The following CDR2 variants were observed in gnomAD, a reference collection of about 807,000 sequenced individuals.
CDR2 encodes cerebellar degeneration-related protein 2.
A neutral mutation model predicts 48.4 loss-of-function variants in CDR2; 34 were observed. The ratio of observed to expected loss-of-function variants is 0.70; its 90% CI spans 0.53 to 0.94. CDR2 has a LOEUF of 0.94. CDR2 is among the 40% of genes least tolerant of loss of function. The pLI, the probability that CDR2 is intolerant of heterozygous loss-of-function variation, is 0.00. For missense variants in CDR2, 498 were observed against 549.5 expected (o/e 0.91, Z 0.94); for synonymous variants, 240 against 219.7 (o/e 1.09, Z -0.82).
At chr16:22,371,848 A>ATGTGTGTGTGTGTGTGTGTG (rs56274013) in intron 1 of CDR2, among the ~76,000 whole-genome samples, 2 of 148,446 alleles carry the variant, frequency 1.3e-5, no homozygotes, top group Admixed American at 1.3e-4. Flanking sequence ...AGGTTCAGAT[A>ATGTGTGTGTGTGTGTGTGTG]TGTGTGTGTG....
intron 2 of CDR2, among the ~76,000 whole-genome samples, chr16:22,364,379 G>T (rs948010292): frequency 6.6e-6 from 1 of 151,926 alleles, no homozygotes; most frequent in Non-Finnish European, 1.5e-5. Flanking sequence ...CAGGAACTAT[G>T]ATTTTTTTTT....
intron 1 of CDR2, 28 bp downstream of exon 1, chr16:22,374,203 C>A (rs1567352284): frequency 3.9e-6 from 6 of 1,524,914 alleles, no homozygotes; most frequent in Non-Finnish European, 2.7e-6. Flanking sequence ...CAGGCCGCCG[C>A]CCGCCCGCGG....
intron 2 of CDR2, among the ~76,000 whole-genome samples, chr16:22,352,460 T>C (rs2048949023): frequency 6.6e-6 from 1 of 152,080 alleles, no homozygotes; most frequent in South Asian, 2.1e-4. Flanking sequence ...TCTGAAACTC[T>C]TGAAGTCAAA....
chr16:22,351,265 G>A (rs2048939659), intron 2 of CDR2, among the ~76,000 whole-genome samples: 1 of 152,182 alleles, frequency 6.6e-6, no homozygotes. Flanking sequence ...TCTATCAACT[G>A]ATGGACATTT....
chr16:22,360,223 C>T (rs1232695196), intron 2 of CDR2, among the ~76,000 whole-genome samples: 1 of 152,052 alleles, frequency 6.6e-6, no homozygotes, highest in Non-Finnish European at 1.5e-5. Flanking sequence ...TCTCTCCTCC[C>T]CTCCTTCCAC....
rs1447766802 is a variant in CDR2 at position 22,347,920 on chromosome 16, A to C, written c.507-97T>G. 5.9e-6 allele frequency: 7 copies of C among 1,187,544 alleles called. No individual in the cohort carries two copies. In the African/African-American group the frequency reaches 1.1e-4, roughly 18 times the overall value. 73.6% of individuals were successfully genotyped at this position (1,187,544 alleles called of 1,614,324 possible). ...TTTTTTCAACTAAATAAATTTGAGG[A>C]GCTGTGACAGTGACTAATTTTTTTT... On this transcript the variant is annotated intron_variant, in intron 4 of 4. Transcript: ENST00000268383.
At chr16:22,350,765 C>A (rs1011008606) in intron 2 of CDR2, among the ~76,000 whole-genome samples, 2 of 152,038 alleles carry the variant, frequency 1.3e-5, no homozygotes, top group African/African-American at 2.4e-5. Context: ...TAATATTCAA[C>A]TAAAAAATCT....
At chr16:22,374,188 C>T (rs2049100703) in intron 1 of CDR2, 43 bp downstream of exon 1, 6 of 1,372,250 alleles carry the variant, frequency 4.4e-6, no homozygotes, top group Non-Finnish European at 6.1e-6. Flanking sequence ...GGGGGCCTCC[C>T]GGGCCAGGCC....
At chr16:22,364,870 C>CA (rs2049034793) in intron 2 of CDR2, 32 bp downstream of exon 2, 1 of 1,313,564 alleles carries the variant, frequency 7.6e-7, no homozygotes, top group Non-Finnish European at 1.1e-6. Flanking sequence ...ATCGAAGTGT[C>CA]AAAAGTGTAA....
chr16:22,347,052 A>C lies in CDR2; in HGVS notation c.1278T>G (p.Phe426Leu), dbSNP rs1466536818. The C allele has an allele frequency of 1.2e-6, 2 of 1,614,110 alleles. No individual in the cohort carries two copies. The highest frequency in any genetic ancestry group is 2.7e-5 in the African/African-American group (2 of 74,938). The change falls in exon 5 of 5, where the codon TTT (phenylalanine) becomes TTG (leucine). Residue 426 changes from phenylalanine to leucine, a missense_variant. By Grantham distance (22) the Phe-to-Leu change is conservative. Coordinates refer to ENST00000268383, the MANE Select transcript of CDR2 (RefSeq NM_001802.2). ...PTTPPEYKAL[F>L]KEIFSCIKKT... ...TCTTGATGCAACTAAAGATCTCCTT[A>C]AACAACGCTTTGTATTCTGGAGGTG...
At chr16:22,374,115 A>AG in intron 1 of CDR2, 116 bp downstream of exon 1, 1 of 651,468 alleles carries the variant, frequency 1.5e-6, no homozygotes, top group Non-Finnish European at 2.6e-6. Context: ...GGTGAGCCTG[A>AG]GCCCTTCCCG....
intron 1 of CDR2, among the ~76,000 whole-genome samples, chr16:22,370,118 T>TCTATG (rs1272147445): frequency 1.4e-4 from 22 of 152,232 alleles, no homozygotes; most frequent in Non-Finnish European, 2.9e-4. Flanking sequence ...GATACTCAGC[T>TCTATG]CTATGCTTTA....
At chr16:22,352,246 A>AAACAC (rs996882240) in intron 2 of CDR2, among the ~76,000 whole-genome samples, 1 of 152,172 alleles carries the variant, frequency 6.6e-6, no homozygotes, top group Non-Finnish European at 1.5e-5. Flanking sequence ...AGACTGTCTC[A>AAACAC]AACACAACAC....
chr16:22,372,240 C>A (rs2049083526), intron 1 of CDR2, among the ~76,000 whole-genome samples: 1 of 152,130 alleles, frequency 6.6e-6, no homozygotes, highest in African/African-American at 2.4e-5. Context: ...AAAGAGAATT[C>A]CTCGTGTAAC....
At chr16:22,354,262 C>T (rs1374379580) in intron 2 of CDR2, among the ~76,000 whole-genome samples, 1 of 152,172 alleles carries the variant, frequency 6.6e-6, no homozygotes, top group Non-Finnish European at 1.5e-5. Flanking sequence ...TCCTGGACGT[C>T]CCCTGCCCTG....
chr16:22,367,825 T>C (rs543962211), intron 1 of CDR2, among the ~76,000 whole-genome samples: 59 of 152,372 alleles, frequency 3.9e-4, no homozygotes, highest in African/African-American at 1.4e-3. Context: ...AAAAACATTT[T>C]ACACCCATTT....
intron 2 of CDR2, among the ~76,000 whole-genome samples, chr16:22,359,146 G>T (rs981132607): frequency 3.8e-4 from 53 of 141,230 alleles, no homozygotes; most frequent in South Asian, 2.2e-4. Context: ...TTTTTTTTTT[G>T]AGACGGAGTC....
intron 1 of CDR2, among the ~76,000 whole-genome samples, chr16:22,371,332 CTGTT>C (rs1325175038): frequency 3.9e-5 from 6 of 152,192 alleles, no homozygotes; most frequent in African/African-American, 1.4e-4. Context: ...GCTGAATAAT[CTGTT>C]TAACAGGACA....
intron 1 of CDR2, 43 bp from the exon 2 acceptor site, chr16:22,365,057 C>A: frequency 1.6e-6 from 2 of 1,243,558 alleles, no homozygotes; most frequent in South Asian, 2.4e-5. Context: ...AATGATCTCA[C>A]ATCAACAATT....
Sources: allele counts gnomAD v4.1 joint callset (sites outside exome capture counted in the v4.1 genomes callset), GRCh38; gene constraint gnomAD v4.1.1; transcripts MANE v1.5; gene names NCBI Gene and HGNC (gene_info 2026-07-23, HGNC 2026-07-21).